Variants in FHIP2B observed in about 807,000 individuals in gnomAD.
FHIP2B encodes FHF complex subunit HOOK interacting protein 2B, also known as FHF complex subunit HOOK-interacting protein 2B.
A neutral mutation model predicts 84.0 loss-of-function variants in FHIP2B; 72 were observed. That is an observed-to-expected ratio of 0.86 (90% CI 0.71 to 1.04). FHIP2B has a LOEUF of 1.04. Among genes scored for constraint, FHIP2B ranks in the 50% least tolerant of loss-of-function variants. The pLI is 0.00. For synonymous variants in FHIP2B, 497 were observed against 418.7 expected (o/e 1.19, Z -2.28); for missense variants, 972 against 968.9 (o/e 1.00, Z -0.04).
rs371010422 is a variant in FHIP2B, at chr8:22,099,828, C to T, written c.1276C>T (p.Pro426Ser). The T allele has an allele frequency of 3.1e-6, 5 of 1,613,308 alleles. No individual in the cohort carries two copies. Among genetic ancestry groups the T allele is most frequent in the Non-Finnish European group, 4.2e-6 (5 of 1,179,722 alleles). ...GGGCACAGACCGGCAGCCTGAAGCC[C>T]CCGGGGACAACCCCCACACCCTGTA... ...LLGTDRQPEAPGDNPHTLYAH... is the reference protein window; with the variant it reads ...LLGTDRQPEASGDNPHTLYAH... Residue 426 changes from proline to serine, a missense_variant, in exon 10 of 17, where the codon CCC becomes TCC. By Grantham distance (74) the Pro-to-Ser change is moderately conservative. Transcript: ENST00000289921.
chr8:22,101,939 C>T (rs1409193076), intron 14 of FHIP2B, 88 bp downstream of exon 14: 7 of 1,532,532 alleles, frequency 4.6e-6, no homozygotes, highest in Non-Finnish European at 6.1e-6. Context: ...GTTGCCTCTG[C>T]TTCGGTTCTT....
chr8:22,096,696 G>C, intron 3 of FHIP2B, 187 bp downstream of exon 3: 1 of 769,716 alleles, frequency 1.3e-6, no homozygotes, highest in Non-Finnish European at 1.9e-6. Context: ...AGGCCTTTCT[G>C]CCTATGCTCT....
intron 3 of FHIP2B, 76 bp downstream of exon 3, chr8:22,096,585 C>T: frequency 7.1e-7 from 1 of 1,416,448 alleles, no homozygotes; most frequent in Non-Finnish European, 9.2e-7. Context: ...AGGTGGGAGG[C>T]CTCTGTGCGC....
chr8:22,092,142 C>G (rs928447181), intron 1 of FHIP2B, among the ~76,000 whole-genome samples: 1 of 152,228 alleles, frequency 6.6e-6, no homozygotes, highest in African/African-American at 2.4e-5. Flanking sequence ...AGACAAGATG[C>G]CCTGCGGACT....
At chr8:22,093,708 C>CTCTTTTTT (rs1825615336) in intron 1 of FHIP2B, among the ~76,000 whole-genome samples, 1 of 66,462 alleles carries the variant, frequency 1.5e-5, no homozygotes, top group African/African-American at 6.3e-5. Flanking sequence ...AAAGCTTTGT[C>CTCTTTTTT]TTTTTTTTTT....
rs749067611 is a variant in FHIP2B, at chr8:22,100,682, A to G, written c.1430A>G (p.Glu477Gly). The change falls in exon 11 of 17, where the codon GAG (glutamate) becomes GGG (glycine). Residue 477 changes from glutamate to glycine, a missense_variant. Physicochemically the swap from Glu to Gly is moderately conservative, Grantham distance 98. Coordinates refer to ENST00000289921, the MANE Select transcript of FHIP2B (RefSeq NM_022749.7). ...CACAGCCTGGTCCTGCGCAACCTTG[A>G]GGGCCGCCCTTACGTGGCCTGGGGC... The part of the protein sequence containing the change: ...IIHSLVLRNL[E>G]GRPYVAWGSP... 2 of 1,607,112 alleles carry G rather than the reference A, an allele frequency of 1.2e-6. No individual in the cohort carries two copies. Among genetic ancestry groups the G allele is most frequent in the Middle Eastern group, 1.7e-4 (1 of 6,024 alleles).
rs767210326 is a variant in FHIP2B, at chr8:22,102,282, C to T, written c.1959C>T (p.Pro653=). 106 of 1,612,946 alleles carry T rather than the reference C, an allele frequency of 6.6e-5. 1 individual carries two copies. In the Middle Eastern group the frequency reaches 3.5e-3, roughly 53 times the overall value. The change falls in exon 15 of 17, where the codon CCC becomes CCT. Residue 653 remains proline, a synonymous_variant. Coordinates refer to ENST00000289921, the MANE Select transcript of FHIP2B (RefSeq NM_022749.7). ...YLLDPYISLA[P]GCRSLFSVLV... Reference sequence around the variant, plus strand: ...TGGATCCGTACATCAGCCTGGCCCCCGGCTGCAGGAGCCTATTCTCCGTGT... The same window carrying T: ...TGGATCCGTACATCAGCCTGGCCCCTGGCTGCAGGAGCCTATTCTCCGTGT...
chr8:22,095,426 G>A (rs1011937892), intron 2 of FHIP2B: 2 of 152,304 alleles, frequency 1.3e-5, no homozygotes, highest in African/African-American at 4.8e-5. Flanking sequence ...CCCCGAATTG[G>A]GACAACCAGG....
intron 1 of FHIP2B, among the ~76,000 whole-genome samples, chr8:22,092,948 T>C (rs1012608360): frequency 6.6e-6 from 1 of 152,220 alleles, no homozygotes; most frequent in Admixed American, 6.5e-5. Context: ...CATGACACAT[T>C]TCTTGAGGAC....
Position 22,101,863 on chromosome 8 carries a change from G to T in FHIP2B, c.1851+12G>T, listed in dbSNP as rs897694842. On this transcript the variant is annotated intron_variant, in intron 14 of 16. Transcript: ENST00000289921. ...GGATTCTGGATCAGGTAGCTAGTGG[G>T]CCTGGGCCAGGAGAACTCCAGGCTG... 1.9e-6 allele frequency: 3 copies of T among 1,612,064 alleles called. No homozygotes were observed. The highest frequency in any genetic ancestry group is 1.3e-5 in the African/African-American group (1 of 74,916).
intron 9 of FHIP2B, 117 bp downstream of exon 9, chr8:22,099,477 C>A: frequency 8.2e-7 from 1 of 1,213,084 alleles, no homozygotes; most frequent in Non-Finnish European, 1.2e-6. Context: ...ATTTGTGGAC[C>A]CCATTGGGTG....
intron 7 of FHIP2B, 131 bp from the exon 8 acceptor site, chr8:22,098,817 C>A: frequency 1.0e-6 from 1 of 963,464 alleles, no homozygotes; most frequent in Non-Finnish European, 1.5e-6. Context: ...GTCCATAAAA[C>A]CCCCAAGATA....
intron 4 of FHIP2B, 42 bp from the exon 5 acceptor site, chr8:22,097,675 G>T (rs562984468): frequency 1.2e-6 from 2 of 1,608,244 alleles, no homozygotes; most frequent in African/African-American, 2.7e-5. Flanking sequence ...TCTCTCCCCT[G>T]CCACCCCTCT....
chr8:22,094,694 C>T (rs73223802), intron 2 of FHIP2B, 176 bp downstream of exon 2: 15,844 of 1,433,816 alleles, frequency 0.011, 116 homozygotes, highest in Non-Finnish European at 0.013. Flanking sequence ...CCCTGGGCCA[C>T]TCCACTCCTG....
intron 14 of FHIP2B, 148 bp from the exon 15 acceptor site, chr8:22,102,027 C>T (rs1826148241): frequency 1.3e-6 from 2 of 1,529,218 alleles, no homozygotes. Context: ...CGTTCTGGCC[C>T]TCAGCCCCAT....
chr8:22,103,997 G>A lies in FHIP2B; in HGVS notation c.*1066G>A, dbSNP rs1207406813. ...TCACAGCGGGACTACACAGTTGCTG[G>A]CTTTGCTCCTGGGCAAGGAGGAGCA... On this transcript the variant is annotated 3_prime_UTR_variant, in exon 17 of 17. Coordinates refer to ENST00000289921, the MANE Select transcript of FHIP2B (RefSeq NM_022749.7). 6.6e-6 allele frequency: 1 copy of A among 152,632 alleles called. No homozygotes were observed. The highest frequency in any genetic ancestry group is 1.5e-5 in the Non-Finnish European group (1 of 68,052). The allele number at this position is 152,632 out of a possible 1,614,324, so 9.5% of individuals were successfully genotyped here.
At chr8:22,094,972 C>T in intron 2 of FHIP2B, 1 of 884,436 alleles carries the variant, frequency 1.1e-6, no homozygotes, top group Non-Finnish European at 1.4e-6. Flanking sequence ...GAACGAAAAC[C>T]AAGGTGGGTA....
intron 9 of FHIP2B, among the ~76,000 whole-genome samples, 161 bp downstream of exon 9, chr8:22,099,521 G>A (rs749826155): frequency 5.3e-5 from 8 of 152,186 alleles, no homozygotes; most frequent in Non-Finnish European, 8.8e-5. Flanking sequence ...ATGTGCACGT[G>A]GCTCTGAGCT....
At chr8:22,100,121 T>C in intron 10 of FHIP2B, 1 of 513,116 alleles carries the variant, frequency 1.9e-6, no homozygotes, top group Non-Finnish European at 3.3e-6. Flanking sequence ...GGCCCTGGAG[T>C]GCAGAGGTGT....
Sources: allele counts gnomAD v4.1 joint callset (sites outside exome capture counted in the v4.1 genomes callset), GRCh38; gene constraint gnomAD v4.1.1; transcripts MANE v1.5; gene names NCBI Gene and HGNC (gene_info 2026-07-23, HGNC 2026-07-21).